The following TMED8 variants were observed in gnomAD, a reference collection of about 807,000 sequenced individuals.
The protein encoded by TMED8 is transmembrane p24 trafficking protein family member 8.
TMED8 carries 15 observed loss-of-function variants against 32.7 expected under a neutral mutation model. The observed-to-expected ratio is 0.46, with a 90% CI of 0.31 to 0.71. The LOEUF (loss-of-function observed/expected upper bound fraction) is 0.71. TMED8 is among the 30% of genes least tolerant of loss of function. The pLI is 0.06. For synonymous variants in TMED8, 147 were observed against 161.4 expected (o/e 0.91, Z 0.68); for missense variants, 390 against 423.9 (o/e 0.92, Z 0.70).
At chr14:77,375,833 A>T (rs550477822) in intron 1 of TMED8, among the ~76,000 whole-genome samples, 1 of 152,358 alleles carries the variant, frequency 6.6e-6, no homozygotes, top group African/African-American at 2.4e-5. Context: ...TATAGTGTGT[A>T]CCATGGACTA....
At chr14:77,345,898 G>A (rs1239009773) in intron 3 of TMED8, among the ~76,000 whole-genome samples, 1 of 151,136 alleles carries the variant, frequency 6.6e-6, no homozygotes, top group Non-Finnish European at 1.5e-5. Context: ...GAACCCAGGA[G>A]GTGGAGGTTG....
chr14:77,362,840 G>C (rs1022118900), intron 1 of TMED8, among the ~76,000 whole-genome samples: 2 of 152,128 alleles, frequency 1.3e-5, no homozygotes, highest in African/African-American at 2.4e-5. Flanking sequence ...GCTGTACTTA[G>C]ACAAAATAAA....
At chr14:77,349,133 C>CA (rs1240929075) in intron 2 of TMED8, among the ~76,000 whole-genome samples, 4 of 94,740 alleles carry the variant, frequency 4.2e-5, no homozygotes, top group Admixed American at 1.5e-4. Flanking sequence ...TTTTTGGAGA[C>CA]AGAGTCTTGC....
chr14:77,355,356 G>A (rs954175036), intron 1 of TMED8, among the ~76,000 whole-genome samples: 2 of 151,958 alleles, frequency 1.3e-5, no homozygotes, highest in Non-Finnish European at 2.9e-5. Context: ...CACCACACCC[G>A]GCTAATTTTT....
At chr14:77,357,445 G>A (rs1444743208) in intron 1 of TMED8, among the ~76,000 whole-genome samples, 2 of 152,164 alleles carry the variant, frequency 1.3e-5, no homozygotes, top group Non-Finnish European at 2.9e-5. Context: ...ACTTTCTACA[G>A]TTGTTCTTAG....
Position 77,335,418 on chromosome 14 carries a change from T to C in TMED8, c.*6353A>G, listed in dbSNP as rs977079927. 2.6e-5 allele frequency: 4 copies of C among 152,240 alleles called. No individual in the cohort carries two copies. The highest frequency in any genetic ancestry group is 9.6e-5 in the African/African-American group (4 of 41,478). 9.4% of individuals were successfully genotyped at this position (152,240 alleles called of 1,614,324 possible). A position where few individuals can be genotyped will look rare whatever the true frequency, so the allele number is the denominator to read the frequency against. Reference sequence around the variant, plus strand: ...GTGACACGGTTTCCCTTCCAGACCCTTTTTGTAATGTCAGCAACAGTACAT... The same window carrying C: ...GTGACACGGTTTCCCTTCCAGACCCCTTTTGTAATGTCAGCAACAGTACAT... On this transcript the variant is annotated 3_prime_UTR_variant, in exon 6 of 6. Coordinates refer to ENST00000216468, the MANE Select transcript of TMED8 (RefSeq NM_213601.3).
intron 1 of TMED8, among the ~76,000 whole-genome samples, chr14:77,370,241 T>G (rs1055621412): frequency 1.7e-4 from 26 of 152,140 alleles, no homozygotes; most frequent in Non-Finnish European, 4.4e-5. Flanking sequence ...TTATCTACTA[T>G]GTCTATCCCC....
chr14:77,375,316 G>A (rs1178460014), intron 1 of TMED8, among the ~76,000 whole-genome samples: 1 of 151,988 alleles, frequency 6.6e-6, no homozygotes, highest in Non-Finnish European at 1.5e-5. Context: ...GTGAATGCAG[G>A]AATGAATTAG....
intron 1 of TMED8, among the ~76,000 whole-genome samples, chr14:77,374,210 T>G (rs922016641): frequency 5.3e-5 from 8 of 152,250 alleles, no homozygotes; most frequent in African/African-American, 1.4e-4. Flanking sequence ...CATTGTATCA[T>G]TTTCTAGAGG....
intron 1 of TMED8, among the ~76,000 whole-genome samples, chr14:77,362,111 T>G (rs1893452506): frequency 2.0e-5 from 3 of 152,208 alleles, no homozygotes; most frequent in South Asian, 2.1e-4. Context: ...AAGTTTTTTT[T>G]GTAGAGTTTT....
chr14:77,358,124 C>CAA lies in TMED8; in HGVS notation c.119-6375_119-6374dup, dbSNP rs35361617. Among the ~76,000 whole-genome samples the CAA allele has an allele frequency of 3.2e-3, 240 of 76,130 alleles. 3 individuals carry two copies. Among genetic ancestry groups the CAA allele is most frequent in the East Asian group, 0.01 (25 of 2,466 alleles). 49.9% of individuals were successfully genotyped at this position (76,130 alleles called of 152,430 possible). ...GGGTGATGGAGTGAGGCTCTGTCTC[C>CAA]AAAAAAAAAAAAAAAAAAAAGAAAT... On this transcript the variant is annotated intron_variant, in intron 1 of 5. Coordinates refer to ENST00000216468, the MANE Select transcript of TMED8 (RefSeq NM_213601.3).
intron 2 of TMED8, among the ~76,000 whole-genome samples, 166 bp from the exon 3 acceptor site, chr14:77,346,644 T>C (rs1032986187): frequency 2.0e-5 from 3 of 151,914 alleles, no homozygotes; most frequent in African/African-American, 4.8e-5. Context: ...CAGGGCTGAA[T>C]TGGTCCACAG....
intron 1 of TMED8, among the ~76,000 whole-genome samples, chr14:77,375,744 A>T (rs1237331400): frequency 6.6e-6 from 1 of 152,234 alleles, no homozygotes; most frequent in African/African-American, 2.4e-5. Flanking sequence ...TGGAAGCCAT[A>T]CATCCAAGAA....
chr14:77,374,832 C>T (rs1025007910), intron 1 of TMED8, among the ~76,000 whole-genome samples: 1 of 152,196 alleles, frequency 6.6e-6, no homozygotes, highest in Non-Finnish European at 1.5e-5. Context: ...TTGTTTCTCC[C>T]TGAAATGGAT....
chr14:77,341,351 T>TGGCA lies in TMED8; in HGVS notation c.*416_*419dup, dbSNP rs1468484187. The TGGCA allele has an allele frequency of 5.1e-6, 1 of 194,332 alleles. No individual in the cohort carries two copies. The highest frequency in any genetic ancestry group is 1.1e-5 in the Non-Finnish European group (1 of 93,030). 12.0% of individuals were successfully genotyped at this position (194,332 alleles called of 1,614,324 possible). ...ATGGGCAATGTGCTTTTCCCTCTTC[T>TGGCA]GGCACCTCAACAACTGAAGAGAGTG... On this transcript the variant is annotated 3_prime_UTR_variant, in exon 6 of 6. Transcript: ENST00000216468.
At chr14:77,363,135 C>T (rs1893474643) in intron 1 of TMED8, among the ~76,000 whole-genome samples, 1 of 152,194 alleles carries the variant, frequency 6.6e-6, no homozygotes, top group African/African-American at 2.4e-5. Flanking sequence ...GCCCAATTTT[C>T]CATACAACAG....
At chr14:77,358,181 TCA>T (rs75880149) in intron 1 of TMED8, among the ~76,000 whole-genome samples, 35,083 of 145,110 alleles carry the variant, frequency 0.24, 4,448 homozygotes, top group African/African-American at 0.31. Context: ...ATGTAATATA[TCA>T]CACACACACA....
chr14:77,345,230 G>C (rs1317524804), intron 3 of TMED8, among the ~76,000 whole-genome samples: 3 of 152,098 alleles, frequency 2.0e-5, no homozygotes, highest in African/African-American at 4.8e-5. Context: ...CAAGTGATCT[G>C]CCTGCCTCGG....
In TMED8 at chr14:77,360,324, A is replaced by G. The variant is rs956553023; in HGVS notation, c.119-8573T>C. Among the ~76,000 whole-genome samples the G allele has an allele frequency of 2.6e-5, 4 of 151,262 alleles. No individual in the cohort carries two copies. In the South Asian group the frequency reaches 6.3e-4, roughly 24 times the overall value. On this transcript the variant is annotated intron_variant, in intron 1 of 5. Transcript: ENST00000216468. ...ATCTCTACTTTGTATCCTTTGACCT[A>G]CACCTCCCCCTTTCCTCTACCATCA...
Sources: gnomAD v4.1 joint callset for allele counts (sites outside exome capture counted in the v4.1 genomes callset) on GRCh38, gnomAD v4.1.1 for gene constraint, MANE v1.5 for transcripts, NCBI Gene and HGNC (gene_info 2026-07-23, HGNC 2026-07-21) for gene names.